The following AKT2 variants were observed in gnomAD, a reference collection of about 807,000 sequenced individuals.
AKT2 encodes the protein AKT serine/threonine kinase 2, also known as RAC-beta serine/threonine-protein kinase.
A neutral mutation model predicts 58.6 loss-of-function variants in AKT2; 16 were observed. The observed-to-expected ratio is 0.27, with a 90% CI of 0.18 to 0.41. AKT2 has a LOEUF of 0.41. Among genes scored for constraint, AKT2 ranks in the 10% least tolerant of loss-of-function variants. AKT2 has a pLI of 1.00. For missense variants in AKT2, 438 were observed against 661.0 expected (o/e 0.66, Z 3.70); for synonymous variants, 253 against 254.0 (o/e 1.00, Z 0.04).
In AKT2 at chr19:40,230,786, G is replaced by C. The variant is rs1275618830; in HGVS notation, c.*3086C>G. ...GCTGCAGTGCAGTGCCGCAATCATAGCTCACTGCAGCCTCAAACTCCTGGG... is the reference window on the plus strand; with the variant it reads ...GCTGCAGTGCAGTGCCGCAATCATACCTCACTGCAGCCTCAAACTCCTGGG... On this transcript the variant is annotated 3_prime_UTR_variant, in exon 14 of 14. Coordinates refer to ENST00000392038, the MANE Select transcript of AKT2 (RefSeq NM_001626.6). 4 of 193,406 alleles carry C rather than the reference G, an allele frequency of 2.1e-5. No individual in the cohort carries two copies. The highest frequency in any genetic ancestry group is 4.3e-5 in the Non-Finnish European group (4 of 93,256). The allele number at this position is 193,406 out of a possible 1,614,324, so 12.0% of individuals were successfully genotyped here.
chr19:40,235,529 G>C lies in AKT2; in HGVS notation c.1176-179C>G. ...CTCACGTGCCCAGGGTCAGAGCCAG[G>C]GAGTCAGCAACCCGGACCCACGTGT... On this transcript the variant is annotated intron_variant, in intron 11 of 13. Transcript: ENST00000392038. This position sits in a 1 kb window ranked among gnomAD's most constrained non-coding sequence, Gnocchi z 6.3. 1.4e-6 allele frequency: 1 copy of C among 695,040 alleles called. No individual in the cohort carries two copies. Among genetic ancestry groups the C allele is most frequent in the Non-Finnish European group, 2.5e-6 (1 of 393,236 alleles). 43.1% of individuals were successfully genotyped at this position (695,040 alleles called of 1,614,324 possible).
intron 2 of AKT2, among the ~76,000 whole-genome samples, chr19:40,260,133 C>A (rs1254969294): frequency 6.6e-6 from 1 of 150,620 alleles, no homozygotes; most frequent in Non-Finnish European, 1.5e-5. Flanking sequence ...GCATGGGAGA[C>A]AGAGCAAGAC....
intron 1 of AKT2, chr19:40,279,256 T>A (rs2077380292): frequency 1.3e-5 from 2 of 152,418 alleles, no homozygotes; most frequent in Non-Finnish European, 2.9e-5. Flanking sequence ...GGCCCTGCTG[T>A]GGGTGCCGAG....
chr19:40,265,447 GC>G, intron 1 of AKT2, 96 bp from the exon 2 acceptor site: 1 of 1,474,896 alleles, frequency 6.8e-7, no homozygotes, highest in Non-Finnish European at 9.0e-7. Flanking sequence ...TGGCTGTTCT[GC>G]CCACTCAGCA....
chr19:40,261,790 G>A (rs1276304832), intron 2 of AKT2, among the ~76,000 whole-genome samples: 1 of 152,088 alleles, frequency 6.6e-6, no homozygotes, highest in East Asian at 1.9e-4. Context: ...TTGGGGTAAT[G>A]AAAAGGTTTT....
At chr19:40,260,723 A>T (rs1373144798) in intron 2 of AKT2, among the ~76,000 whole-genome samples, 1 of 152,076 alleles carries the variant, frequency 6.6e-6, no homozygotes, top group African/African-American at 2.4e-5. Context: ...TCTACAACAT[A>T]GAGATTATTC....
Position 40,242,976 on chromosome 19 carries a change from G to A in AKT2, c.288-289C>T, listed in dbSNP as rs946480014. 39 of 397,646 alleles carry A rather than the reference G, an allele frequency of 9.8e-5. No individual in the cohort carries two copies. The highest frequency in any genetic ancestry group is 8.1e-4 in the Middle Eastern group (1 of 1,234). 24.6% of individuals were successfully genotyped at this position (397,646 alleles called of 1,614,324 possible). ...AGCCTGGCCAACATGGTGAAACCCC[G>A]TCTCTACTAAAAATACAAAAATTAG... On this transcript the variant is annotated intron_variant, in intron 4 of 13. Coordinates refer to ENST00000392038, the MANE Select transcript of AKT2 (RefSeq NM_001626.6). The surrounding 1 kb of genome is among the most constrained non-coding windows in gnomAD (Gnocchi z 4.3).
intron 1 of AKT2, chr19:40,274,315 T>C: frequency 6.6e-6 from 1 of 152,018 alleles, no homozygotes; most frequent in Non-Finnish European, 1.5e-5. Context: ...CAGGGGGGAG[T>C]GGTGAACAGA....
chr19:40,282,759 G>C, intron 1 of AKT2: 1 of 320,990 alleles, frequency 3.1e-6, no homozygotes, highest in East Asian at 1.1e-4. Flanking sequence ...TTCTTCCTCT[G>C]AACTTCAATT....
At chr19:40,259,207 C>G (rs557089942) in intron 2 of AKT2, among the ~76,000 whole-genome samples, 1 of 152,098 alleles carries the variant, frequency 6.6e-6, no homozygotes, top group African/African-American at 2.4e-5. Flanking sequence ...AGAAAAGAAA[C>G]CTAGAAGAAA....
At position 40,233,931 on chromosome 19, in the gene AKT2, C is replaced by G. The variant is rs1251045508; in HGVS notation, c.1387G>C (p.Glu463Gln). 3.7e-6 allele frequency: 6 copies of G among 1,611,380 alleles called. No homozygotes were observed. Among genetic ancestry groups the G allele is most frequent in the Non-Finnish European group, 5.1e-6 (6 of 1,179,930 alleles). Residue 463 changes from glutamate to glutamine, a missense_variant, in exon 14 of 14, where the codon GAG becomes CAG. By Grantham distance (29) the Glu-to-Gln change is conservative. This residue lies in a region of AKT2 where 148 missense variants were observed against 199.5 expected (regional missense o/e 0.74). Transcript: ENST00000392038. This position sits in a 1 kb window ranked among gnomAD's most constrained non-coding sequence, Gnocchi z 4.3. Reference sequence around the variant, plus strand: ...GGGAAGTGGGTCCGCTGGTCCAGCTCCAGTAAGCCCAGGCTGTCATCTGTG... The same window carrying G: ...GGGAAGTGGGTCCGCTGGTCCAGCTGCAGTAAGCCCAGGCTGTCATCTGTG... ...PDRYDSLGLLELDQRTHFPQF... is the reference protein window; with the variant it reads ...PDRYDSLGLLQLDQRTHFPQF...
rs1974464448 is a variant in AKT2, at chr19:40,242,343, G to T, written c.441+191C>A. 1.0e-6 allele frequency: 1 copy of T among 988,218 alleles called. No homozygotes were observed. Among genetic ancestry groups the T allele is most frequent in the Non-Finnish European group, 1.5e-6 (1 of 647,674 alleles). 61.2% of individuals were successfully genotyped at this position (988,218 alleles called of 1,614,324 possible). ...CGAACCTGCAGTGGGTCCACCCAAG[G>T]TTGCTCCCTCCCCTACGGGCATGGA... On this transcript the variant is annotated intron_variant, in intron 5 of 13. Coordinates refer to ENST00000392038, the MANE Select transcript of AKT2 (RefSeq NM_001626.6). The surrounding 1 kb of genome is among the most constrained non-coding windows in gnomAD (Gnocchi z 4.3).
rs369091836 is a variant in AKT2 at position 40,233,848 on chromosome 19, G to A, written c.*24C>T. ...ACCCAGCGGTGATGGCAGCGAGCGT[G>A]CGTCCTCTGCGTGGGCAGACTGCTC... On this transcript the variant is annotated 3_prime_UTR_variant, in exon 14 of 14. Coordinates refer to ENST00000392038, the MANE Select transcript of AKT2 (RefSeq NM_001626.6). This position sits in a 1 kb window ranked among gnomAD's most constrained non-coding sequence, Gnocchi z 4.3. The A allele has an allele frequency of 1.9e-6, 3 of 1,607,318 alleles. No individual in the cohort carries two copies. The highest frequency in any genetic ancestry group is 2.7e-5 in the African/African-American group (2 of 74,898).
intron 1 of AKT2, among the ~76,000 whole-genome samples, chr19:40,278,322 G>A (rs931792233): frequency 5.9e-5 from 9 of 152,152 alleles, no homozygotes; most frequent in Non-Finnish European, 1.2e-4. Flanking sequence ...GGGGACGATC[G>A]GGACAGCGAG....
In AKT2 at chr19:40,232,729, T is replaced by A. The variant is rs568766963; in HGVS notation, c.*1143A>T. On this transcript the variant is annotated 3_prime_UTR_variant, in exon 14 of 14. Coordinates refer to ENST00000392038, the MANE Select transcript of AKT2 (RefSeq NM_001626.6). Reference sequence around the variant, plus strand: ...CACGCTGCCCTCACACAAACACACATGCACACACACCCACGTGTGCCTGCG... The same window carrying A: ...CACGCTGCCCTCACACAAACACACAAGCACACACACCCACGTGTGCCTGCG... 4.3e-6 allele frequency: 1 copy of A among 233,336 alleles called. No individual in the cohort carries two copies. Among genetic ancestry groups the A allele is most frequent in the African/African-American group, 2.2e-5 (1 of 45,296 alleles). 14.5% of individuals were successfully genotyped at this position (233,336 alleles called of 1,614,324 possible). A position where few individuals can be genotyped will look rare whatever the true frequency, so the allele number is the denominator to read the frequency against.
At position 40,255,226 on chromosome 19, in the gene AKT2, A is replaced by G; in HGVS notation, c.219T>C (p.Phe73=). The G allele has an allele frequency of 6.2e-7, 1 of 1,614,098 alleles. No individual in the cohort carries two copies. The highest frequency in any genetic ancestry group is 1.1e-5 in the South Asian group (1 of 91,090). ...TGGTCCACTGCAGGCAGCGTATGACAAAGGTGTTGGGTCGCGGCCTCTCGG... is the reference window on the plus strand; with the variant it reads ...TGGTCCACTGCAGGCAGCGTATGACGAAGGTGTTGGGTCGCGGCCTCTCGG... The part of the protein sequence containing the change: ...MKTERPRPNT[F]VIRCLQWTTV... Residue 73 remains phenylalanine (F), a synonymous_variant, in exon 4 of 14, where the codon TTT becomes TTC. Coordinates refer to ENST00000392038, the MANE Select transcript of AKT2 (RefSeq NM_001626.6).
chr19:40,238,080 G>A lies in AKT2; in HGVS notation c.720C>T (p.His240=). 6.3e-7 allele frequency: 1 copy of A among 1,599,250 alleles called. No individual in the cohort carries two copies. Among genetic ancestry groups the A allele is most frequent in the Admixed American group, 1.8e-5 (1 of 57,104 alleles). Residue 240 remains histidine, a synonymous_variant, in exon 9 of 14, where the codon CAC becomes CAT. Transcript: ENST00000392038. This position sits in a 1 kb window ranked among gnomAD's most constrained non-coding sequence, Gnocchi z 5.1. ...CTGTGAAGACACGCTCCCGGGACAG[G>A]TGGAAGAACAGCTGCAGGAGGAAGG... The part of the protein sequence containing the change: ...EYANGGELFF[H]LSRERVFTEE...
rs781675139 is a variant in AKT2 at position 40,234,257 on chromosome 19, T to C, written c.1367-306A>G. Among the ~76,000 whole-genome samples, 37 of 152,130 alleles carry C rather than the reference T, an allele frequency of 2.4e-4. No individual in the cohort carries two copies. The highest frequency in any genetic ancestry group is 4.9e-4 in the Non-Finnish European group (33 of 68,004). On this transcript the variant is annotated intron_variant, in intron 13 of 13. Transcript: ENST00000392038. This position sits in a 1 kb window ranked among gnomAD's most constrained non-coding sequence, Gnocchi z 4.7. ...TGCCAGAGTCCAGCCCAGAGCCCTGTCCTGGCCTGCCTCTCGCACCCTCCC... is the reference window on the plus strand; with the variant it reads ...TGCCAGAGTCCAGCCCAGAGCCCTGCCCTGGCCTGCCTCTCGCACCCTCCC...
rs530505749 is a variant in AKT2, at chr19:40,237,303, C to T, written c.831+666G>A. 1.7e-4 allele frequency: 27 copies of T among 155,490 alleles called. No individual in the cohort carries two copies. The highest frequency in any genetic ancestry group is 3.7e-4 in the Non-Finnish European group (26 of 70,088). The allele number at this position is 155,490 out of a possible 1,614,324, so 9.6% of individuals were successfully genotyped here. On this transcript the variant is annotated intron_variant, in intron 9 of 13. Coordinates refer to ENST00000392038, the MANE Select transcript of AKT2 (RefSeq NM_001626.6). The surrounding 1 kb of genome is among the most constrained non-coding windows in gnomAD (Gnocchi z 4.5). Reference sequence around the variant, plus strand: ...TGTGTCCCCACTTCTCCTGTGCACACAGCTAGGGCAGATGACTGGTGCTCA... The same window carrying T: ...TGTGTCCCCACTTCTCCTGTGCACATAGCTAGGGCAGATGACTGGTGCTCA...
Sources: gnomAD v4.1 joint callset for allele counts (sites outside exome capture counted in the v4.1 genomes callset) on GRCh38, gnomAD v4.1.1 for gene constraint, gnomAD v4.1.1 regional missense constraint, Gnocchi (gnomAD v3.1) non-coding constraint, MANE v1.5 for transcripts, NCBI Gene and HGNC (gene_info 2026-07-23, HGNC 2026-07-21) for gene names.